Variants in PRIMPOL observed in about 807,000 individuals in gnomAD.
PRIMPOL encodes DNA-directed primase/polymerase protein.
A neutral mutation model predicts 63.6 loss-of-function variants in PRIMPOL; 54 were observed. The ratio of observed to expected loss-of-function variants is 0.85; its 90% CI spans 0.68 to 1.07. PRIMPOL has a LOEUF of 1.07. PRIMPOL is among the 50% of genes least tolerant of loss of function. The pLI is 0.00. For synonymous variants in PRIMPOL, 197 were observed against 220.2 expected (o/e 0.89, Z 0.93); for missense variants, 610 against 648.3 (o/e 0.94, Z 0.64).
At chr4:184,659,811 C>T (rs922205195) in intron 4 of PRIMPOL, among the ~76,000 whole-genome samples, 1 of 151,874 alleles carries the variant, frequency 6.6e-6, no homozygotes, top group Non-Finnish European at 1.5e-5. Context: ...TTGTTATTAG[C>T]TTTAGTTTTA....
intron 8 of PRIMPOL, among the ~76,000 whole-genome samples, chr4:184,679,873 C>G (rs968078908): frequency 6.6e-6 from 1 of 152,264 alleles, no homozygotes; most frequent in East Asian, 1.9e-4. Flanking sequence ...CAGCCTGAAA[C>G]CAGCCCACCT....
intron 6 of PRIMPOL, among the ~76,000 whole-genome samples, chr4:184,667,850 T>G (rs1017536225): frequency 7.2e-5 from 11 of 152,168 alleles, no homozygotes; most frequent in African/African-American, 2.7e-4. Flanking sequence ...TAACAAACTT[T>G]CTTCCTTTTT....
At chr4:184,680,815 A>C (rs1755431997) in intron 8 of PRIMPOL, among the ~76,000 whole-genome samples, 1 of 151,514 alleles carries the variant, frequency 6.6e-6, no homozygotes, top group Non-Finnish European at 1.5e-5. Flanking sequence ...CTGCTCAGTG[A>C]ATGTTGTTGG....
chr4:184,669,975 G>A (rs1751128325), intron 6 of PRIMPOL, among the ~76,000 whole-genome samples: 1 of 152,208 alleles, frequency 6.6e-6, no homozygotes. Flanking sequence ...AAATGTAAGA[G>A]ATCATAGATC....
rs76099741 is a variant in PRIMPOL, at chr4:184,669,308, G to A, written c.557-2865G>A. ...TTTGACCAAAGTCACAGAGCTGGCA[G>A]ATGGCAAAGCCAAAACAGACACTGA... On this transcript the variant is annotated intron_variant, in intron 6 of 13. Coordinates refer to ENST00000314970, the MANE Select transcript of PRIMPOL (RefSeq NM_152683.4). 5.6e-3 allele frequency among the ~76,000 whole-genome samples: 858 copies of A among 152,334 alleles called. 3 individuals carry two copies. The highest frequency in any genetic ancestry group is 0.017 in the Middle Eastern group (5 of 294).
Position 184,665,935 on chromosome 4 carries a change from C to G in PRIMPOL, c.427C>G (p.Gln143Glu). 1 of 1,592,654 alleles carries G rather than the reference C, an allele frequency of 6.3e-7. No individual in the cohort carries two copies. The stretch of plus-strand genomic sequence containing the variant: ...TTTTTAGTATGTGTGTAAAGCACTT[C>G]AAGAGTTATACGGTGTTAATTGCTC... ...LLIEYVCKAL[Q>E]ELYGVNCSAE... The change falls in exon 6 of 14, where the codon CAA becomes GAA. Residue 143 changes from glutamine (Q) to glutamate (E), a missense_variant. By Grantham distance (29) the Gln-to-Glu change is conservative. Coordinates refer to ENST00000314970, the MANE Select transcript of PRIMPOL (RefSeq NM_152683.4).
In PRIMPOL at chr4:184,677,340, C is replaced by T. The variant is rs117311169; in HGVS notation, c.845-892C>T. Reference sequence around the variant, plus strand: ...GAGGAGGAGTCAAGATTCACTTTTTCGTATGTGGATATCCGGTTGGCTCAG... The same window carrying T: ...GAGGAGGAGTCAAGATTCACTTTTTTGTATGTGGATATCCGGTTGGCTCAG... On this transcript the variant is annotated intron_variant, in intron 7 of 13. Coordinates refer to ENST00000314970, the MANE Select transcript of PRIMPOL (RefSeq NM_152683.4). 2.1e-3 allele frequency among the ~76,000 whole-genome samples: 317 copies of T among 152,038 alleles called. 8 individuals carry two copies. The East Asian group carries it at 0.051, about 24-fold the overall frequency.
chr4:184,680,187 T>C (rs1196379821), intron 8 of PRIMPOL, among the ~76,000 whole-genome samples: 1 of 78,320 alleles, frequency 1.3e-5, no homozygotes. Flanking sequence ...CTTTTGCCTT[T>C]CTAAATATAA....
At chr4:184,685,718 C>T (rs749816799) in intron 11 of PRIMPOL, 34 bp downstream of exon 11, 4 of 910,278 alleles carry the variant, frequency 4.4e-6, no homozygotes, top group East Asian at 5.5e-5. Context: ...TGTATTTAAC[C>T]AATATTATAT....
intron 7 of PRIMPOL, among the ~76,000 whole-genome samples, chr4:184,673,967 T>C (rs1183872157): frequency 1.3e-5 from 2 of 152,192 alleles, no homozygotes; most frequent in Admixed American, 6.5e-5. Flanking sequence ...CTTCCAAGCC[T>C]GACAGGTTTT....
intron 9 of PRIMPOL, among the ~76,000 whole-genome samples, chr4:184,682,701 T>A (rs975997321): frequency 2.4e-4 from 36 of 152,272 alleles, no homozygotes; most frequent in African/African-American, 8.7e-4. Context: ...GGGTACAGAA[T>A]CTGTTTTGCC....
chr4:184,690,299 T>C lies in PRIMPOL; in HGVS notation c.1296-1200T>C, dbSNP rs141616495. Reference sequence around the variant, plus strand: ...CTGGCAAAAGTTGTTCACAATATTGTTTTCTTAAAAACATATGATGCATTT... The same window carrying C: ...CTGGCAAAAGTTGTTCACAATATTGCTTTCTTAAAAACATATGATGCATTT... On this transcript the variant is annotated intron_variant, in intron 11 of 13. Transcript: ENST00000314970. Among the ~76,000 whole-genome samples, 1,475 of 152,198 alleles carry C rather than the reference T, an allele frequency of 9.7e-3. 27 individuals are homozygous for C. The highest frequency in any genetic ancestry group is 0.038 in the South Asian group (183 of 4,814).
chr4:184,664,227 C>T (rs1579362731), intron 5 of PRIMPOL, among the ~76,000 whole-genome samples: 1 of 152,158 alleles, frequency 6.6e-6, no homozygotes, highest in Admixed American at 6.5e-5. Flanking sequence ...TCTGTAGCTC[C>T]GAAAGTACAG....
At chr4:184,667,403 C>T (rs1023616102) in intron 6 of PRIMPOL, among the ~76,000 whole-genome samples, 14 of 152,198 alleles carry the variant, frequency 9.2e-5, no homozygotes, top group Admixed American at 3.3e-4. Flanking sequence ...CTCCGCCTCC[C>T]GGGTTCAAGC....
In PRIMPOL at chr4:184,666,559, C is replaced by T. The variant is rs563012263; in HGVS notation, c.556+495C>T. On this transcript the variant is annotated intron_variant, in intron 6 of 13. Coordinates refer to ENST00000314970, the MANE Select transcript of PRIMPOL (RefSeq NM_152683.4). Reference sequence around the variant, plus strand: ...TCTAGACACATCAACCTATTCAGGACATCTTTGGCATTTGCATCTCTAATC... The same window carrying T: ...TCTAGACACATCAACCTATTCAGGATATCTTTGGCATTTGCATCTCTAATC... Among the ~76,000 whole-genome samples the T allele has an allele frequency of 2.0e-5, 3 of 152,350 alleles. 1 individual carries two copies. In the South Asian group the frequency reaches 6.2e-4, roughly 32 times the overall value.
intron 5 of PRIMPOL, 87 bp downstream of exon 5, chr4:184,661,990 G>A: frequency 1.7e-6 from 2 of 1,193,954 alleles, no homozygotes; most frequent in Non-Finnish European, 2.3e-6. Flanking sequence ...ATAATAGTAG[G>A]TTCTGTATCT....
chr4:184,656,969 T>C (rs1321860397), intron 2 of PRIMPOL, 113 bp from the exon 3 acceptor site: 2 of 494,804 alleles, frequency 4.0e-6, no homozygotes, highest in East Asian at 6.9e-5. Context: ...TAAAACTTCA[T>C]GCAAAGAATA....
At chr4:184,682,217 G>T (rs1250235705) in intron 8 of PRIMPOL, 31 bp from the exon 9 acceptor site, 1 of 1,201,326 alleles carries the variant, frequency 8.3e-7, no homozygotes, top group African/African-American at 1.5e-5. Context: ...GTGTGATGGT[G>T]CTTTGTTTCT....
intron 7 of PRIMPOL, among the ~76,000 whole-genome samples, chr4:184,673,339 C>T (rs180825071): frequency 1.3e-5 from 2 of 151,812 alleles, no homozygotes; most frequent in East Asian, 3.9e-4. Flanking sequence ...CCGTGTTAGC[C>T]AAGATGGTCT....
Sources: allele counts gnomAD v4.1 joint callset (sites outside exome capture counted in the v4.1 genomes callset), GRCh38; gene constraint gnomAD v4.1.1; transcripts MANE v1.5; gene names NCBI Gene and HGNC (gene_info 2026-07-23, HGNC 2026-07-21).